Variants in ATXN7 observed in about 807,000 individuals in gnomAD.
ATXN7 encodes the protein ataxin 7.
ATXN7 carries 12 observed loss-of-function variants against 70.5 expected under a neutral mutation model. The observed-to-expected ratio is 0.17, with a 90% CI of 0.11 to 0.28. ATXN7 has a LOEUF of 0.28. Among genes scored for constraint, ATXN7 ranks in the 10% least tolerant of loss-of-function variants. The pLI is 1.00. For missense variants in ATXN7, 1,256 were observed against 1,131.7 expected, an observed-to-expected ratio of 1.11 and a Z score of -1.58; for synonymous variants, 498 against 448.7, an observed-to-expected ratio of 1.11 and a Z score of -1.39.
chr3:63,869,848 G>A (rs144333696), intron 1 of ATXN7, among the ~76,000 whole-genome samples: 15 of 152,298 alleles, frequency 9.8e-5, no homozygotes, highest in East Asian at 7.7e-4. Flanking sequence ...ATGATAGGCA[G>A]GTATCCCAAC....
At chr3:63,920,098 T>A (rs1019641987) in intron 4 of ATXN7, among the ~76,000 whole-genome samples, 1 of 152,098 alleles carries the variant, frequency 6.6e-6, no homozygotes, top group Non-Finnish European at 1.5e-5. Flanking sequence ...CGTTGTTCTT[T>A]AGGCCCCATA....
At chr3:63,957,476 T>C (rs895281564) in intron 5 of ATXN7, among the ~76,000 whole-genome samples, 6 of 152,208 alleles carry the variant, frequency 3.9e-5, no homozygotes, top group Non-Finnish European at 8.8e-5. Context: ...TCAGACCACT[T>C]TTATTTAAAT....
intron 5 of ATXN7, among the ~76,000 whole-genome samples, chr3:63,963,141 C>G (rs1241618630): frequency 6.6e-6 from 1 of 152,022 alleles, no homozygotes. Context: ...GTCTCAAACT[C>G]CTGGGCTGAA....
At chr3:63,982,026 A>G (rs1216296128) in intron 6 of ATXN7, among the ~76,000 whole-genome samples, 160 bp from the exon 7 acceptor site, 1 of 152,202 alleles carries the variant, frequency 6.6e-6, no homozygotes, top group East Asian at 1.9e-4. Context: ...CTTAATCAGT[A>G]TGAACCTTAC....
At chr3:63,912,504 G>A in intron 2 of ATXN7, 84 bp from the exon 3 acceptor site, 3 of 922,110 alleles carry the variant, frequency 3.3e-6, no homozygotes, top group South Asian at 3.2e-5. Context: ...TCCGCGGGCC[G>A]CGCACGCCGC....
intron 4 of ATXN7, among the ~76,000 whole-genome samples, chr3:63,917,207 A>G (rs1704309987): frequency 6.6e-6 from 1 of 152,182 alleles, no homozygotes; most frequent in Admixed American, 6.5e-5. Flanking sequence ...GGTATGAGCC[A>G]CTGCACCTGG....
At chr3:63,950,380 G>T (rs531893601) in intron 4 of ATXN7, among the ~76,000 whole-genome samples, 2 of 152,140 alleles carry the variant, frequency 1.3e-5, no homozygotes, top group Non-Finnish European at 2.9e-5. Flanking sequence ...GGAAATCACA[G>T]AGACCACCAG....
intron 1 of ATXN7, among the ~76,000 whole-genome samples, chr3:63,871,849 G>A (rs536526335): frequency 6.8e-6 from 1 of 148,146 alleles, no homozygotes; most frequent in South Asian, 2.2e-4. Context: ...TTATAATCTG[G>A]TTTGTTTTTA....
At position 64,001,823 on chromosome 3, in the gene ATXN7, T is replaced by C. The variant is rs990187597; in HGVS notation, c.*2356T>C. 1.3e-5 allele frequency: 2 copies of C among 152,198 alleles called. No homozygotes were observed. Among genetic ancestry groups the C allele is most frequent in the Non-Finnish European group, 2.9e-5 (2 of 68,024 alleles). The allele number at this position is 152,198 out of a possible 1,614,324, so 9.4% of individuals were successfully genotyped here. ...AACTACTTTTTATGGTGATGAATAA[T>C]TAAGACCATTTAAAACACGGGAGTA... On this transcript the variant is annotated 3_prime_UTR_variant, in exon 13 of 13. Coordinates refer to ENST00000674280, the MANE Select transcript of ATXN7 (RefSeq NM_001377405.1).
chr3:63,872,131 G>A (rs895024763), intron 1 of ATXN7, among the ~76,000 whole-genome samples: 8 of 151,886 alleles, frequency 5.3e-5, no homozygotes, highest in Non-Finnish European at 8.8e-5. Context: ...AATGAGAAAC[G>A]TAACCACATC....
intron 1 of ATXN7, among the ~76,000 whole-genome samples, chr3:63,892,530 C>A (rs1364474871): frequency 1.3e-5 from 2 of 151,728 alleles, no homozygotes; most frequent in Non-Finnish European, 2.9e-5. Context: ...CTCCTGTCAA[C>A]CGGAGTACTG....
At chr3:63,935,225 A>C (rs1006834753) in intron 4 of ATXN7, among the ~76,000 whole-genome samples, 2 of 152,142 alleles carry the variant, frequency 1.3e-5, no homozygotes, top group East Asian at 3.9e-4. Context: ...ACTTACGGCG[A>C]TTCCTGTGGC....
chr3:63,985,175 T>TC (rs1292262159), intron 8 of ATXN7, among the ~76,000 whole-genome samples: 1 of 152,244 alleles, frequency 6.6e-6, no homozygotes, highest in African/African-American at 2.4e-5. Context: ...AAGTTTTTTT[T>TC]CAACTCAAAA....
At chr3:63,873,253 A>T (rs1381418728) in intron 1 of ATXN7, among the ~76,000 whole-genome samples, 1 of 152,182 alleles carries the variant, frequency 6.6e-6, no homozygotes, top group Admixed American at 6.5e-5. Context: ...AGCAGTAAGA[A>T]CTAAATCTGA....
intron 1 of ATXN7, among the ~76,000 whole-genome samples, chr3:63,876,399 T>A (rs535857146): frequency 9.9e-5 from 15 of 152,230 alleles, no homozygotes; most frequent in Non-Finnish European, 1.9e-4. Flanking sequence ...TATAAATCAT[T>A]TGCAGATCGA....
chr3:63,930,543 T>G (rs1373591583), intron 4 of ATXN7, among the ~76,000 whole-genome samples: 1 of 152,044 alleles, frequency 6.6e-6, no homozygotes, highest in Non-Finnish European at 1.5e-5. Flanking sequence ...TTTTTTTTTT[T>G]TTTTTGAAGA....
intron 4 of ATXN7, among the ~76,000 whole-genome samples, chr3:63,914,733 G>C (rs1399887397): frequency 1.3e-5 from 2 of 152,172 alleles, no homozygotes; most frequent in African/African-American, 4.8e-5. Context: ...GATGAGTTAA[G>C]TGTATTAATG....
intron 4 of ATXN7, among the ~76,000 whole-genome samples, chr3:63,925,292 C>T (rs1047907346): frequency 1.3e-5 from 2 of 152,112 alleles, no homozygotes; most frequent in Non-Finnish European, 1.5e-5. Context: ...ATTTATGCAT[C>T]CTTTGTAGTA....
At chr3:63,979,037 C>G (rs931997262) in intron 5 of ATXN7, among the ~76,000 whole-genome samples, 1 of 152,190 alleles carries the variant, frequency 6.6e-6, no homozygotes, top group Admixed American at 6.5e-5. Context: ...CTAAGGTACT[C>G]AAGCGGATAA....
Sources: gnomAD v4.1 joint callset for allele counts (sites outside exome capture counted in the v4.1 genomes callset) on GRCh38, gnomAD v4.1.1 for gene constraint, MANE v1.5 for transcripts, NCBI Gene and HGNC (gene_info 2026-07-23, HGNC 2026-07-21) for gene names.